The following ZNF827 variants were observed in gnomAD, a reference collection of about 807,000 sequenced individuals.
ZNF827 encodes zinc finger protein 827.
ZNF827 carries 13 observed loss-of-function variants against 102.4 expected under a neutral mutation model. The observed-to-expected ratio is 0.13, with a 90% CI of 0.08 to 0.20. The LOEUF (loss-of-function observed/expected upper bound fraction) is 0.20, where lower values mean the gene tolerates loss of function less well. Ranked by LOEUF, ZNF827 falls within the 10% of genes least tolerant of loss-of-function variation. The pLI, the probability that ZNF827 is intolerant of heterozygous loss-of-function variation, is 1.00. For missense variants in ZNF827, 1,103 were observed against 1,344.4 expected (o/e 0.82, Z 2.81); for synonymous variants, 523 against 536.2 (o/e 0.98, Z 0.34).
intron 1 of ZNF827, among the ~76,000 whole-genome samples, chr4:145,908,466 T>G (rs1267000610): frequency 6.6e-6 from 1 of 152,218 alleles, no homozygotes; most frequent in Non-Finnish European, 1.5e-5. Flanking sequence ...TGGTTTATTT[T>G]CATGTAAAAA....
chr4:145,888,671 CCCTGACTCTCGGTCAGTTT>C (rs1197065388), intron 3 of ZNF827, among the ~76,000 whole-genome samples: 1 of 152,224 alleles, frequency 6.6e-6, no homozygotes, highest in Non-Finnish European at 1.5e-5. Flanking sequence ...GAACTCAGTA[CCCTGACTCTCGGTCAGTTT>C]CCTGCTAATA....
intron 7 of ZNF827, chr4:145,834,960 G>A (rs1178489614): frequency 6.6e-6 from 1 of 152,118 alleles, no homozygotes; most frequent in East Asian, 1.9e-4. Flanking sequence ...ACTTCCAAAC[G>A]CCTGAACCGC....
At position 145,884,967 on chromosome 4, in the gene ZNF827, G is replaced by A. The variant is rs551021941; in HGVS notation, c.1747+711C>T. Among the ~76,000 whole-genome samples, 14 of 152,158 alleles carry A rather than the reference G, an allele frequency of 9.2e-5. No individual in the cohort carries two copies. In the South Asian group the frequency reaches 1.3e-3, roughly 14 times the overall value. On this transcript the variant is annotated intron_variant, in intron 4 of 14. Transcript: ENST00000508784. Reference sequence around the variant, plus strand: ...GGGCCTGTGGGGGAAGAGGTGAACCGAGAGTTGTTTAATGAGTTTCAGTTT... The same window carrying A: ...GGGCCTGTGGGGGAAGAGGTGAACCAAGAGTTGTTTAATGAGTTTCAGTTT...
At chr4:145,866,760 T>C (rs962726638) in intron 5 of ZNF827, among the ~76,000 whole-genome samples, 4 of 152,346 alleles carry the variant, frequency 2.6e-5, no homozygotes, top group Admixed American at 6.5e-5. Context: ...ACATTTTATA[T>C]ATGTATTCCC....
chr4:145,914,125 A>T (rs1332988002), intron 1 of ZNF827, among the ~76,000 whole-genome samples: 4 of 152,092 alleles, frequency 2.6e-5, no homozygotes, highest in Admixed American at 2.0e-4. Flanking sequence ...TGTAATAAAC[A>T]TATTATAGTC....
At chr4:145,859,832 C>A (rs1579400542) in intron 5 of ZNF827, among the ~76,000 whole-genome samples, 1 of 152,152 alleles carries the variant, frequency 6.6e-6, no homozygotes, top group African/African-American at 2.4e-5. Flanking sequence ...ATACCCCAGT[C>A]CTGGGTGTCT....
intron 1 of ZNF827, among the ~76,000 whole-genome samples, chr4:145,908,529 T>C (rs1279510102): frequency 6.6e-6 from 1 of 152,268 alleles, no homozygotes. Context: ...AAATATCTAA[T>C]GCCTTTTAAG....
intron 7 of ZNF827, among the ~76,000 whole-genome samples, chr4:145,837,486 C>A (rs1172625248): frequency 6.7e-6 from 1 of 149,108 alleles, no homozygotes; most frequent in Non-Finnish European, 1.5e-5. Flanking sequence ...CAAAAAAAAA[C>A]TTGTCATCCC....
chr4:145,854,419 A>T (rs1230379922), intron 5 of ZNF827, among the ~76,000 whole-genome samples: 2 of 152,002 alleles, frequency 1.3e-5, no homozygotes, highest in Non-Finnish European at 2.9e-5. Context: ...GGAGGAAGAA[A>T]AGAGCAAGGA....
At chr4:145,927,839 G>A (rs1753540455) in intron 1 of ZNF827, among the ~76,000 whole-genome samples, 2 of 152,210 alleles carry the variant, frequency 1.3e-5, no homozygotes, top group Non-Finnish European at 1.5e-5. Flanking sequence ...AGATGATAAA[G>A]TGCTTCATGA....
rs555732859 is a variant in ZNF827, at chr4:145,760,941, T to G, written c.*675A>C. 1 of 1,230,762 alleles carries G rather than the reference T, an allele frequency of 8.1e-7. No homozygotes were observed. Among genetic ancestry groups the G allele is most frequent in the East Asian group, 5.7e-5 (1 of 17,420 alleles). The allele number at this position is 1,230,762 out of a possible 1,614,324, so 76.2% of individuals were successfully genotyped here. A position where few individuals can be genotyped will look rare whatever the true frequency, so the allele number is the denominator to read the frequency against. ...TCAAGGGAATGAGATGGGCAAAATC[T>G]GAGTTCCGGTACTTGTCAAAGCGCA... On this transcript the variant is annotated 3_prime_UTR_variant, in exon 15 of 15. Coordinates refer to ENST00000508784, the MANE Select transcript of ZNF827 (RefSeq NM_001306215.2).
intron 4 of ZNF827, among the ~76,000 whole-genome samples, chr4:145,883,517 TTATC>T (rs1749853400): frequency 6.6e-6 from 1 of 152,148 alleles, no homozygotes; most frequent in African/African-American, 2.4e-5. Context: ...CTAAGCAGCC[TTATC>T]TTATGCTCCC....
chr4:145,910,302 A>G lies in ZNF827; in HGVS notation c.44-7087T>C, dbSNP rs184055828. Among the ~76,000 whole-genome samples, 7 of 152,246 alleles carry G rather than the reference A, an allele frequency of 4.6e-5. No homozygotes were observed. In the East Asian group the frequency reaches 1.4e-3, roughly 29 times the overall value. On this transcript the variant is annotated intron_variant, in intron 1 of 14. Coordinates refer to ENST00000508784, the MANE Select transcript of ZNF827 (RefSeq NM_001306215.2). The stretch of plus-strand genomic sequence containing the variant: ...AAAAAGTAGCTAAGTCAGTTTCAGT[A>G]TTCTTCATATAAAGTGCTTAGCCAG...
Position 145,759,398 on chromosome 4 carries a change from A to T in ZNF827, c.*2218T>A, listed in dbSNP as rs1260834467. 1.3e-5 allele frequency: 2 copies of T among 152,210 alleles called. No homozygotes were observed. The highest frequency in any genetic ancestry group is 4.8e-5 in the African/African-American group (2 of 41,460). 9.4% of individuals were successfully genotyped at this position (152,210 alleles called of 1,614,324 possible). On this transcript the variant is annotated 3_prime_UTR_variant, in exon 15 of 15. Coordinates refer to ENST00000508784, the MANE Select transcript of ZNF827 (RefSeq NM_001306215.2). ...CTGCACATAAATTGCCATTTTAATG[A>T]CCACAAAATAAGAGCTTTTAAATAA...
At chr4:145,826,816 G>A (rs1743730531) in intron 7 of ZNF827, among the ~76,000 whole-genome samples, 1 of 151,992 alleles carries the variant, frequency 6.6e-6, no homozygotes, top group Non-Finnish European at 1.5e-5. Context: ...GCGCAATCTT[G>A]GCTCACTGCA....
intron 8 of ZNF827, among the ~76,000 whole-genome samples, chr4:145,802,191 A>C (rs1302870273): frequency 6.6e-6 from 1 of 152,160 alleles, no homozygotes; most frequent in Non-Finnish European, 1.5e-5. Context: ...TCCCACTTAA[A>C]TTCACTTTAT....
At chr4:145,856,395 T>C (rs1182316087) in intron 5 of ZNF827, among the ~76,000 whole-genome samples, 1 of 152,160 alleles carries the variant, frequency 6.6e-6, no homozygotes, top group African/African-American at 2.4e-5. Context: ...AGTGTGGCCC[T>C]TGGTGGGGAA....
At chr4:145,859,659 C>T (rs1175388113) in intron 5 of ZNF827, among the ~76,000 whole-genome samples, 1 of 152,230 alleles carries the variant, frequency 6.6e-6, no homozygotes, top group African/African-American at 2.4e-5. Flanking sequence ...GTGTAAGCGA[C>T]TCATTTTAAT....
chr4:145,794,714 T>C (rs1740195121), intron 8 of ZNF827, among the ~76,000 whole-genome samples: 1 of 151,534 alleles, frequency 6.6e-6, no homozygotes, highest in African/African-American at 2.4e-5. Flanking sequence ...GAAAAAAAAA[T>C]AGCACATACA....
Sources: allele counts gnomAD v4.1 joint callset (sites outside exome capture counted in the v4.1 genomes callset), GRCh38; gene constraint gnomAD v4.1.1; transcripts MANE v1.5; gene names NCBI Gene and HGNC (gene_info 2026-07-23, HGNC 2026-07-21).